Variants in GRM5 observed in about 807,000 individuals in gnomAD.
The protein encoded by GRM5 is metabotropic glutamate receptor 5.
In GRM5, 19 loss-of-function variants were observed where a neutral mutation model predicts 83.1. The ratio of observed to expected loss-of-function variants is 0.23; its 90% CI spans 0.16 to 0.34. GRM5 has a LOEUF of 0.34. GRM5 is among the 10% of genes least tolerant of loss of function. The pLI is 1.00. For synonymous variants in GRM5, 675 were observed against 633.6 expected, an observed-to-expected ratio of 1.07 and a Z score of -0.98; for missense variants, 1,160 against 1,588.3, an observed-to-expected ratio of 0.73 and a Z score of 4.58.
At chr11:88,741,618 T>C (rs1335917098) in intron 3 of GRM5, among the ~76,000 whole-genome samples, 1 of 152,136 alleles carries the variant, frequency 6.6e-6, no homozygotes, top group East Asian at 1.9e-4. Context: ...ACATAATCTA[T>C]ACTATAGTAT....
intron 3 of GRM5, among the ~76,000 whole-genome samples, chr11:88,842,585 T>G (rs1486715488): frequency 1.3e-5 from 2 of 152,198 alleles, no homozygotes; most frequent in Admixed American, 1.3e-4. Flanking sequence ...TTGACACTGG[T>G]GGTCTTGCCT....
At chr11:88,528,386 T>G (rs879837663) in intron 8 of GRM5, among the ~76,000 whole-genome samples, 2 of 152,050 alleles carry the variant, frequency 1.3e-5, no homozygotes, top group Non-Finnish European at 2.9e-5. Flanking sequence ...ATAGATCATA[T>G]TTTTATTCAT....
intron 2 of GRM5, among the ~76,000 whole-genome samples, chr11:88,936,023 C>T (rs945155581): frequency 3.3e-5 from 5 of 151,716 alleles, no homozygotes; most frequent in East Asian, 1.9e-4. Context: ...AAGTAAATCC[C>T]ACAGTTCATT....
At chr11:88,907,382 A>G (rs1172141236) in intron 2 of GRM5, among the ~76,000 whole-genome samples, 2 of 152,152 alleles carry the variant, frequency 1.3e-5, no homozygotes, top group Non-Finnish European at 2.9e-5. Context: ...CAAAACTGCT[A>G]GTAGTGCCAC....
At chr11:88,800,014 A>G (rs1189683718) in intron 3 of GRM5, among the ~76,000 whole-genome samples, 1 of 152,144 alleles carries the variant, frequency 6.6e-6, no homozygotes, top group Non-Finnish European at 1.5e-5. Flanking sequence ...ATGAGGTCCT[A>G]ACTTGAAAGA....
Position 88,790,086 on chromosome 11 carries a change from A to T in GRM5, c.911+59820T>A, listed in dbSNP as rs145945313. On this transcript the variant is annotated intron_variant, in intron 3 of 9. Transcript: ENST00000305447. ...GCCATGTTGGCCAGGCTGGCCTTCA[A>T]TTCCTGACTTCAGATGATCCACCCT... Among the ~76,000 whole-genome samples the T allele has an allele frequency of 5.7e-3, 865 of 152,224 alleles. 18 individuals carry two copies. In the East Asian group the frequency reaches 0.071, roughly 13 times the overall value.
intron 4 of GRM5, among the ~76,000 whole-genome samples, chr11:88,632,493 C>T (rs1307093957): frequency 1.3e-5 from 2 of 152,054 alleles, no homozygotes; most frequent in Non-Finnish European, 2.9e-5. Flanking sequence ...CTTGGCTTTT[C>T]TGGCTACTTA....
chr11:88,715,883 G>T (rs906222805), intron 3 of GRM5, among the ~76,000 whole-genome samples: 6 of 151,876 alleles, frequency 4.0e-5, no homozygotes, highest in Admixed American at 6.6e-5. Flanking sequence ...TGAAAGAACC[G>T]AATTAGACTA....
In GRM5 at chr11:88,746,864, A is replaced by G. The variant is rs1483362326; in HGVS notation, c.912-93461T>C. On this transcript the variant is annotated intron_variant, in intron 3 of 9. Transcript: ENST00000305447. ...AAAACTTAAAAATTTAATGGAGTCA[A>G]GAAACCTAACCATAAAAATCCAAAA... 3.3e-5 allele frequency among the ~76,000 whole-genome samples: 5 copies of G among 152,306 alleles called. No homozygotes were observed. The East Asian group carries it at 9.7e-4, about 29-fold the overall frequency.
chr11:88,915,038 CA>C (rs1332846185), intron 2 of GRM5, among the ~76,000 whole-genome samples: 1 of 151,770 alleles, frequency 6.6e-6, no homozygotes, highest in East Asian at 1.9e-4. Flanking sequence ...GTAACTTTTA[CA>C]AAAACAAAAA....
intron 2 of GRM5, among the ~76,000 whole-genome samples, chr11:89,020,845 C>A (rs1940966259): frequency 6.6e-6 from 1 of 152,128 alleles, no homozygotes; most frequent in Non-Finnish European, 1.5e-5. Flanking sequence ...AATATCCTTC[C>A]ATGTAATCAC....
At chr11:88,968,658 A>G (rs1266323362) in intron 2 of GRM5, among the ~76,000 whole-genome samples, 3 of 152,170 alleles carry the variant, frequency 2.0e-5, no homozygotes, top group Non-Finnish European at 4.4e-5. Context: ...CCTGGGAGAC[A>G]GAGTAAGTCC....
At chr11:88,720,766 C>T (rs72962554) in intron 3 of GRM5, among the ~76,000 whole-genome samples, 7,215 of 151,384 alleles carry the variant, frequency 0.048, 252 homozygotes, top group Non-Finnish European at 0.079. Flanking sequence ...TATGGACAGA[C>T]TCACACAGGT....
chr11:88,847,434 T>C (rs1944318293), intron 3 of GRM5, among the ~76,000 whole-genome samples: 1 of 152,188 alleles, frequency 6.6e-6, no homozygotes, highest in South Asian at 2.1e-4. Context: ...TGATAAATGG[T>C]CCTATAAATG....
At chr11:88,787,601 G>A (rs1943097735) in intron 3 of GRM5, among the ~76,000 whole-genome samples, 1 of 152,068 alleles carries the variant, frequency 6.6e-6, no homozygotes, top group African/African-American at 2.4e-5. Context: ...GGAATAATAG[G>A]AGGCTCTTAT....
At chr11:88,905,808 A>G (rs978641033) in intron 2 of GRM5, among the ~76,000 whole-genome samples, 2 of 152,142 alleles carry the variant, frequency 1.3e-5, no homozygotes, top group African/African-American at 4.8e-5. Context: ...TGAGCAAATG[A>G]ACAAAATAAA....
chr11:88,603,861 G>A (rs1054952503), intron 5 of GRM5, among the ~76,000 whole-genome samples: 1 of 152,188 alleles, frequency 6.6e-6, no homozygotes, highest in African/African-American at 2.4e-5. Flanking sequence ...CAAACAGAGT[G>A]TATAGACAGT....
chr11:88,757,706 C>T (rs945536863), intron 3 of GRM5, among the ~76,000 whole-genome samples: 1 of 152,130 alleles, frequency 6.6e-6, no homozygotes, highest in Non-Finnish European at 1.5e-5. Context: ...GAGGCAGGAA[C>T]CTTGGCACCC....
At chr11:89,065,519 C>T (rs1372278331) in intron 1 of GRM5, among the ~76,000 whole-genome samples, 5 of 152,098 alleles carry the variant, frequency 3.3e-5, no homozygotes, top group Non-Finnish European at 7.4e-5. Flanking sequence ...GTAGCCCAGG[C>T]TCCTGACTTA....
Sources: gnomAD v4.1 joint callset for allele counts (sites outside exome capture counted in the v4.1 genomes callset) on GRCh38, gnomAD v4.1.1 for gene constraint, MANE v1.5 for transcripts, NCBI Gene and HGNC (gene_info 2026-07-23, HGNC 2026-07-21) for gene names.